Variants in WDR70 observed in about 807,000 individuals in gnomAD.
WDR70 encodes WD repeat-containing protein 70.
In WDR70, 53 loss-of-function variants were observed where a neutral mutation model predicts 88.6. The observed-to-expected ratio is 0.60, with a 90% CI of 0.48 to 0.75. WDR70 has a LOEUF of 0.75. Among genes scored for constraint, WDR70 ranks in the 30% least tolerant of loss-of-function variants. WDR70 has a pLI of 0.00. For synonymous variants in WDR70, 280 were observed against 270.0 expected, an observed-to-expected ratio of 1.04 and a Z score of -0.36; for missense variants, 610 against 823.2, an observed-to-expected ratio of 0.74 and a Z score of 3.17.
chr5:37,532,075 A>G (rs920144600), intron 9 of WDR70, among the ~76,000 whole-genome samples: 1 of 152,212 alleles, frequency 6.6e-6, no homozygotes, highest in Non-Finnish European at 1.5e-5. Context: ...TAAGGAGGCT[A>G]AAAACAGGAC....
At chr5:37,744,149 A>C (rs1370931216) in intron 17 of WDR70, among the ~76,000 whole-genome samples, 1 of 152,126 alleles carries the variant, frequency 6.6e-6, no homozygotes, top group Non-Finnish European at 1.5e-5. Flanking sequence ...GCCTGAAGTG[A>C]ACCCCCAGCA....
chr5:37,674,849 A>G (rs1229773758), intron 10 of WDR70, among the ~76,000 whole-genome samples: 2 of 151,832 alleles, frequency 1.3e-5, no homozygotes, highest in Non-Finnish European at 2.9e-5. Flanking sequence ...AGTCCCACCA[A>G]CAGTGTAAAA....
intron 10 of WDR70, among the ~76,000 whole-genome samples, chr5:37,663,228 C>T (rs1003027054): frequency 2.6e-5 from 4 of 152,086 alleles, no homozygotes; most frequent in Non-Finnish European, 5.9e-5. Context: ...GTTAAAGTTG[C>T]ATTATACTGA....
At chr5:37,697,797 AT>A in intron 11 of WDR70, 43 bp downstream of exon 11, 1 of 1,517,686 alleles carries the variant, frequency 6.6e-7, no homozygotes, top group Non-Finnish European at 9.1e-7. Flanking sequence ...TCTATATAAA[AT>A]AATCATCTTT....
chr5:37,594,869 T>G (rs1743654714), intron 9 of WDR70, among the ~76,000 whole-genome samples: 1 of 152,342 alleles, frequency 6.6e-6, no homozygotes, highest in African/African-American at 2.4e-5. Context: ...CCTTGTAAGT[T>G]GGATTCCTAG....
At chr5:37,533,069 A>G (rs1163739034) in intron 9 of WDR70, among the ~76,000 whole-genome samples, 1 of 152,210 alleles carries the variant, frequency 6.6e-6, no homozygotes, top group Non-Finnish European at 1.5e-5. Flanking sequence ...ACTGAGCTTC[A>G]GGCTGGTACT....
intron 8 of WDR70, among the ~76,000 whole-genome samples, chr5:37,482,932 A>G (rs1012638747): frequency 3.1e-4 from 47 of 152,228 alleles, no homozygotes; most frequent in African/African-American, 1.1e-3. Context: ...TTACAGTCCC[A>G]GCTACTTGGA....
chr5:37,665,968 G>T (rs114391002), intron 10 of WDR70, among the ~76,000 whole-genome samples: 2 of 152,140 alleles, frequency 1.3e-5, no homozygotes, highest in Non-Finnish European at 2.9e-5. Flanking sequence ...GGCTGCCAGC[G>T]TTCACAGACA....
chr5:37,468,159 A>ATTTGTG, intron 7 of WDR70, among the ~76,000 whole-genome samples: 2 of 152,272 alleles, frequency 1.3e-5, no homozygotes, highest in Middle Eastern at 6.8e-3. Flanking sequence ...TATCATATGA[A>ATTTGTG]TTTTGAGGGA....
intron 10 of WDR70, among the ~76,000 whole-genome samples, chr5:37,669,816 T>C (rs1444970192): frequency 6.6e-6 from 1 of 152,156 alleles, no homozygotes; most frequent in Non-Finnish European, 1.5e-5. Flanking sequence ...GGTACATCCA[T>C]ACAGTGAAAT....
chr5:37,469,631 C>T (rs574991865), intron 7 of WDR70, among the ~76,000 whole-genome samples: 1 of 152,236 alleles, frequency 6.6e-6, no homozygotes, highest in South Asian at 2.1e-4. Context: ...AATTGCAAAG[C>T]AGAGTTGGGA....
intron 14 of WDR70, 70 bp downstream of exon 14, chr5:37,721,285 CG>C: frequency 7.3e-7 from 1 of 1,365,708 alleles, no homozygotes; most frequent in Non-Finnish European, 1.0e-6. Flanking sequence ...CTCCCACCCC[CG>C]CTTTTATTTA....
chr5:37,671,362 G>A (rs1165863947), intron 10 of WDR70, among the ~76,000 whole-genome samples: 2 of 152,136 alleles, frequency 1.3e-5, no homozygotes, highest in Admixed American at 1.3e-4. Flanking sequence ...ATTGACATAA[G>A]ACAGGGAAAT....
At chr5:37,723,071 C>A in intron 15 of WDR70, 137 bp downstream of exon 15, 1 of 944,492 alleles carries the variant, frequency 1.1e-6, no homozygotes, top group Non-Finnish European at 1.6e-6. Flanking sequence ...GTGGATAGGA[C>A]TACGAGTCAT....
intron 9 of WDR70, among the ~76,000 whole-genome samples, chr5:37,532,012 T>A (rs1741507523): frequency 6.6e-6 from 1 of 152,172 alleles, no homozygotes; most frequent in African/African-American, 2.4e-5. Flanking sequence ...TTCCTTCATT[T>A]ATGAAGCTTA....
chr5:37,439,926 C>T (rs12655039), intron 6 of WDR70, among the ~76,000 whole-genome samples: 12,459 of 151,636 alleles, frequency 0.082, 876 homozygotes, highest in East Asian at 0.27. Flanking sequence ...AATGTGCACA[C>T]GTACACTCTT....
intron 16 of WDR70, 87 bp downstream of exon 16, chr5:37,725,137 C>A: frequency 9.5e-7 from 1 of 1,052,074 alleles, no homozygotes; most frequent in East Asian, 2.4e-5. Context: ...TCTTTTGGGC[C>A]TGGATGCTTC....
intron 8 of WDR70, among the ~76,000 whole-genome samples, chr5:37,495,686 T>C (rs1313830256): frequency 1.3e-5 from 2 of 152,202 alleles, no homozygotes; most frequent in Non-Finnish European, 2.9e-5. Flanking sequence ...AGAGAAAAAG[T>C]AGTTTATTTG....
At chr5:37,385,353 C>A (rs764633446) in intron 3 of WDR70, among the ~76,000 whole-genome samples, 3 of 151,570 alleles carry the variant, frequency 2.0e-5, no homozygotes, top group Non-Finnish European at 2.9e-5. Context: ...AGATCCCATT[C>A]AAAAAATCTT....
Sources: allele counts gnomAD v4.1 joint callset (sites outside exome capture counted in the v4.1 genomes callset), GRCh38; gene constraint gnomAD v4.1.1; transcripts MANE v1.5; gene names NCBI Gene and HGNC (gene_info 2026-07-23, HGNC 2026-07-21).